The following CHST8 variants were observed in gnomAD, a reference collection of about 807,000 sequenced individuals.
The protein encoded by CHST8 is GALNAC-4-ST1.
CHST8 carries 10 observed loss-of-function variants against 15.0 expected under a neutral mutation model. That is an observed-to-expected ratio of 0.67 (90% CI 0.41 to 1.13). The LOEUF (loss-of-function observed/expected upper bound fraction) is 1.13, where lower values mean the gene tolerates loss of function less well. Among genes scored for constraint, CHST8 ranks in the 50% most tolerant of loss-of-function variants. The pLI is 0.00. For missense variants in CHST8, 634 were observed against 608.2 expected (o/e 1.04, Z -0.45); for synonymous variants, 259 against 256.6 (o/e 1.01, Z -0.09).
chr19:33,645,963 C>T (rs1972350514), intron 1 of CHST8, among the ~76,000 whole-genome samples: 1 of 151,986 alleles, frequency 6.6e-6, no homozygotes, highest in African/African-American at 2.4e-5. Context: ...CCCATCTCTA[C>T]AGAAAATACA....
At chr19:33,622,680 G>A (rs1484588417) in intron 1 of CHST8, among the ~76,000 whole-genome samples, 1 of 152,112 alleles carries the variant, frequency 6.6e-6, no homozygotes, top group Non-Finnish European at 1.5e-5. Context: ...GGGCCAGGCA[G>A]GAGCGCTCGG....
intron 1 of CHST8, among the ~76,000 whole-genome samples, chr19:33,639,252 G>T (rs1318994343): frequency 6.6e-6 from 1 of 152,156 alleles, no homozygotes; most frequent in Non-Finnish European, 1.5e-5. Flanking sequence ...CCGTGTACGG[G>T]TAAATTACAG....
chr19:33,735,646 G>A (rs960614412), intron 3 of CHST8, among the ~76,000 whole-genome samples: 1 of 152,200 alleles, frequency 6.6e-6, no homozygotes, highest in Non-Finnish European at 1.5e-5. Context: ...GACCAACATG[G>A]TGAAACCCTG....
intron 3 of CHST8, among the ~76,000 whole-genome samples, chr19:33,765,941 G>A (rs1974832013): frequency 1.3e-5 from 2 of 152,114 alleles, no homozygotes; most frequent in Admixed American, 1.3e-4. Flanking sequence ...ATGTGGGTGG[G>A]CTTCATCCAA....
intron 1 of CHST8, among the ~76,000 whole-genome samples, chr19:33,665,323 G>A (rs529035729): frequency 1.3e-5 from 2 of 152,226 alleles, no homozygotes; most frequent in East Asian, 1.9e-4. Flanking sequence ...AGACTTTTTC[G>A]TAAACGACCA....
intron 1 of CHST8, among the ~76,000 whole-genome samples, chr19:33,652,293 G>A (rs1972458610): frequency 6.9e-6 from 1 of 144,020 alleles, no homozygotes; most frequent in Admixed American, 6.9e-5. Context: ...GTGTCATCAT[G>A]TTTTGAAAGT....
At chr19:33,767,086 C>T (rs1460325564) in intron 3 of CHST8, among the ~76,000 whole-genome samples, 1 of 152,174 alleles carries the variant, frequency 6.6e-6, no homozygotes, top group African/African-American at 2.4e-5. Context: ...CTAGCATCAT[C>T]GCCCATCAGG....
chr19:33,667,553 A>G (rs1972679529), intron 1 of CHST8, among the ~76,000 whole-genome samples: 1 of 152,094 alleles, frequency 6.6e-6, no homozygotes, highest in Non-Finnish European at 1.5e-5. Flanking sequence ...AACGGTGCCA[A>G]ATTGTTCTTG....
chr19:33,760,462 T>G (rs1974700007), intron 3 of CHST8, among the ~76,000 whole-genome samples: 1 of 151,272 alleles, frequency 6.6e-6, no homozygotes, highest in Admixed American at 6.6e-5. Flanking sequence ...GGACTACAGG[T>G]GCCCATCACT....
chr19:33,656,625 T>G (rs1972512972), intron 1 of CHST8, among the ~76,000 whole-genome samples: 1 of 152,062 alleles, frequency 6.6e-6, no homozygotes, highest in South Asian at 2.1e-4. Context: ...AGCCTTGAAA[T>G]CCAGGGCTCA....
intron 3 of CHST8, among the ~76,000 whole-genome samples, chr19:33,767,732 G>A (rs911124581): frequency 1.8e-4 from 27 of 152,192 alleles, no homozygotes; most frequent in African/African-American, 4.8e-4. Flanking sequence ...TCAAGACACC[G>A]AAAGTGGGGT....
chr19:33,751,296 T>C lies in CHST8; in HGVS notation c.131-20117T>C, dbSNP rs150296226. ...GAAGCACAGAGCCACCCTCCCGCTG[T>C]TCAATAACTGATGACCATTTTTCTC... On this transcript the variant is annotated intron_variant, in intron 3 of 4. Transcript: ENST00000650847. 7.2e-5 allele frequency among the ~76,000 whole-genome samples: 11 copies of C among 152,314 alleles called. No individual in the cohort carries two copies. In the East Asian group the frequency reaches 2.1e-3, roughly 30 times the overall value.
At chr19:33,661,078 C>T (rs59795098) in intron 1 of CHST8, among the ~76,000 whole-genome samples, 2,157 of 152,156 alleles carry the variant, frequency 0.014, 52 homozygotes, top group African/African-American at 0.049. Flanking sequence ...GTGCACTGAC[C>T]GGCTTGTTGA....
rs1336948223 is a variant in CHST8 at position 33,651,556 on chromosome 19, T to A, written c.-163-16211T>A. 2.0e-5 allele frequency among the ~76,000 whole-genome samples: 3 copies of A among 152,194 alleles called. No individual in the cohort carries two copies. In the East Asian group the frequency reaches 5.8e-4, roughly 29 times the overall value. On this transcript the variant is annotated intron_variant, in intron 1 of 4. Coordinates refer to ENST00000650847, the MANE Select transcript of CHST8 (RefSeq NM_001127895.2). ...TTCTGTAATGCATTTCTGAATTAAATCTTAATTTGTTGGTGTACATAATTA... is the reference window on the plus strand; with the variant it reads ...TTCTGTAATGCATTTCTGAATTAAAACTTAATTTGTTGGTGTACATAATTA...
intron 3 of CHST8, among the ~76,000 whole-genome samples, chr19:33,698,134 G>A (rs1234082253): frequency 2.6e-5 from 4 of 152,310 alleles, no homozygotes; most frequent in South Asian, 2.1e-4. Flanking sequence ...AAAATAAGCC[G>A]GGCGTGATGG....
intron 2 of CHST8, among the ~76,000 whole-genome samples, chr19:33,672,100 T>A (rs1972745468): frequency 6.6e-6 from 1 of 152,168 alleles, no homozygotes; most frequent in African/African-American, 2.4e-5. Context: ...TCATATTAAA[T>A]TTTAAAAAAT....
intron 3 of CHST8, among the ~76,000 whole-genome samples, chr19:33,735,541 T>A (rs1974068490): frequency 6.6e-6 from 1 of 152,184 alleles, no homozygotes; most frequent in Admixed American, 6.5e-5. Flanking sequence ...AAAATCACAT[T>A]CTTGGCCAGT....
chr19:33,714,840 T>C (rs139807647), intron 3 of CHST8, among the ~76,000 whole-genome samples: 2,915 of 152,340 alleles, frequency 0.019, 91 homozygotes, highest in African/African-American at 0.066. Context: ...TCTGCCATGA[T>C]TGTGAGGCCT....
chr19:33,752,245 G>A (rs962342304), intron 3 of CHST8, among the ~76,000 whole-genome samples: 2 of 152,278 alleles, frequency 1.3e-5, no homozygotes, highest in African/African-American at 4.8e-5. Flanking sequence ...CCCCCTGCCC[G>A]GGGAGAGGAA....
Sources: allele counts gnomAD v4.1 joint callset (sites outside exome capture counted in the v4.1 genomes callset), GRCh38; gene constraint gnomAD v4.1.1; transcripts MANE v1.5; gene names NCBI Gene and HGNC (gene_info 2026-07-23, HGNC 2026-07-21).